The following KCNQ5 variants were observed in gnomAD, a reference collection of about 807,000 sequenced individuals.
KCNQ5 encodes the protein potassium voltage-gated channel subfamily KQT member 5.
A neutral mutation model predicts 98.2 loss-of-function variants in KCNQ5; 30 were observed. That is an observed-to-expected ratio of 0.31 (90% CI 0.23 to 0.41). The LOEUF is 0.41. KCNQ5 is among the 10% of genes least tolerant of loss of function. The probability of loss-of-function intolerance (pLI) is 1.00; values close to 1 mark genes in which losing one functional copy is unlikely to be tolerated. For missense variants in KCNQ5, 835 were observed against 1,182.5 expected (o/e 0.71, Z 4.31); for synonymous variants, 458 against 449.4 (o/e 1.02, Z -0.24).
intron 10 of KCNQ5, among the ~76,000 whole-genome samples, chr6:73,139,445 A>G (rs1562201978): frequency 1.3e-5 from 2 of 152,212 alleles, no homozygotes; most frequent in South Asian, 2.1e-4. Flanking sequence ...AATATTTGAT[A>G]TAGCCAAGAA....
chr6:73,075,824 A>G (rs1773514247), intron 3 of KCNQ5, among the ~76,000 whole-genome samples: 1 of 152,106 alleles, frequency 6.6e-6, no homozygotes, highest in African/African-American at 2.4e-5. Flanking sequence ...CTGGCAGATG[A>G]TGTGAGCTCA....
chr6:73,148,093 A>G (rs1776994198), intron 10 of KCNQ5, among the ~76,000 whole-genome samples: 1 of 152,218 alleles, frequency 6.6e-6, no homozygotes, highest in African/African-American at 2.4e-5. Context: ...GGCAGTTACT[A>G]GATGTATGAT....
At chr6:72,963,958 G>C (rs906947391) in intron 1 of KCNQ5, among the ~76,000 whole-genome samples, 3 of 152,132 alleles carry the variant, frequency 2.0e-5, no homozygotes, top group African/African-American at 4.8e-5. Flanking sequence ...TCAGTCCACA[G>C]ATTTTATTTT....
intron 1 of KCNQ5, among the ~76,000 whole-genome samples, chr6:72,843,722 C>G (rs1776902884): frequency 6.6e-6 from 1 of 152,090 alleles, no homozygotes; most frequent in Non-Finnish European, 1.5e-5. Context: ...ATAAATCATT[C>G]TACTATAAAG....
At chr6:73,156,162 A>T (rs886302420) in intron 10 of KCNQ5, among the ~76,000 whole-genome samples, 1 of 152,216 alleles carries the variant, frequency 6.6e-6, no homozygotes, top group Admixed American at 6.5e-5. Context: ...GCAGGGGGTG[A>T]GTAATTTAAA....
chr6:72,844,819 C>T (rs748871030), intron 1 of KCNQ5, among the ~76,000 whole-genome samples: 8 of 152,126 alleles, frequency 5.3e-5, no homozygotes, highest in African/African-American at 1.9e-4. Context: ...TAAATATAAA[C>T]GGATTATTCT....
intron 1 of KCNQ5, among the ~76,000 whole-genome samples, chr6:72,809,230 TG>T (rs1324541665): frequency 9.6e-6 from 1 of 104,524 alleles, no homozygotes; most frequent in Non-Finnish European, 1.8e-5. Context: ...CATCACACTC[TG>T]GGGACTGTTG....
At chr6:73,191,180 C>T (rs997233419) in intron 12 of KCNQ5, among the ~76,000 whole-genome samples, 1 of 152,054 alleles carries the variant, frequency 6.6e-6, no homozygotes, top group Admixed American at 6.6e-5. Context: ...CCTGTGAAGA[C>T]GGGCCTTTCT....
chr6:73,174,111 A>G (rs1230316903), intron 11 of KCNQ5, among the ~76,000 whole-genome samples: 1 of 149,536 alleles, frequency 6.7e-6, no homozygotes, highest in Non-Finnish European at 1.5e-5. Context: ...TTTTAAAACT[A>G]TTTCAACAGA....
intron 5 of KCNQ5, among the ~76,000 whole-genome samples, chr6:73,096,409 G>C (rs537602154): frequency 6.6e-6 from 1 of 151,368 alleles, no homozygotes; most frequent in African/African-American, 2.4e-5. Flanking sequence ...GAATGAGAGA[G>C]AGCATGGTAG....
intron 1 of KCNQ5, among the ~76,000 whole-genome samples, chr6:72,863,106 A>G (rs943961040): frequency 6.6e-6 from 1 of 152,170 alleles, no homozygotes; most frequent in Non-Finnish European, 1.5e-5. Context: ...GTATAAACGT[A>G]CCCTGTAAAG....
intron 1 of KCNQ5, among the ~76,000 whole-genome samples, chr6:72,829,099 C>T (rs950929972): frequency 6.6e-6 from 1 of 152,012 alleles, no homozygotes; most frequent in Non-Finnish European, 1.5e-5. Flanking sequence ...GGCCCACACA[C>T]CTTTGCTTGC....
intron 1 of KCNQ5, among the ~76,000 whole-genome samples, chr6:72,685,911 C>T (rs998608993): frequency 3.9e-5 from 6 of 152,148 alleles, no homozygotes; most frequent in African/African-American, 1.4e-4. Context: ...AGTCCTAGAT[C>T]AAGATGCCAA....
intron 3 of KCNQ5, among the ~76,000 whole-genome samples, chr6:73,068,344 AATCCTGCT>A (rs1437189286): frequency 6.6e-6 from 1 of 152,146 alleles, no homozygotes; most frequent in African/African-American, 2.4e-5. Flanking sequence ...GCAAAACTGA[AATCCTGCT>A]ATCCTGCTAT....
chr6:72,892,460 A>T (rs1779094529), intron 1 of KCNQ5, among the ~76,000 whole-genome samples: 1 of 152,216 alleles, frequency 6.6e-6, no homozygotes, highest in Non-Finnish European at 1.5e-5. Flanking sequence ...GTTCACCCAG[A>T]TCCCTCTAGC....
chr6:72,984,944 C>A (rs1768690033), intron 1 of KCNQ5, among the ~76,000 whole-genome samples: 2 of 152,238 alleles, frequency 1.3e-5, no homozygotes, highest in South Asian at 4.1e-4. Flanking sequence ...CAGTGGCTCA[C>A]ACCTGTAACC....
At chr6:72,751,237 G>T (rs1178099757) in intron 1 of KCNQ5, among the ~76,000 whole-genome samples, 1 of 151,792 alleles carries the variant, frequency 6.6e-6, no homozygotes, top group Non-Finnish European at 1.5e-5. Context: ...AGGGTACAGT[G>T]TGAGCCAAGG....
At position 73,149,948 on chromosome 6, in the gene KCNQ5, A is replaced by C. The variant is rs565413345; in HGVS notation, c.1468+16307A>C. 7.2e-5 allele frequency among the ~76,000 whole-genome samples: 11 copies of C among 152,164 alleles called. No individual in the cohort carries two copies. The South Asian group carries it at 2.3e-3, about 32-fold the overall frequency. ...AAAACAAGCTGCAAACTGAGAGAAA[A>C]TATGTACAAATGACATATCTGATTA... On this transcript the variant is annotated intron_variant, in intron 10 of 13. Transcript: ENST00000370398.
intron 10 of KCNQ5, among the ~76,000 whole-genome samples, chr6:73,164,478 G>A (rs904636076): frequency 1.3e-5 from 2 of 152,186 alleles, no homozygotes; most frequent in African/African-American, 4.8e-5. Flanking sequence ...TAATGTAATT[G>A]ATGACCGACT....
Sources: gnomAD v4.1 joint callset for allele counts (sites outside exome capture counted in the v4.1 genomes callset) on GRCh38, gnomAD v4.1.1 for gene constraint, MANE v1.5 for transcripts, NCBI Gene and HGNC (gene_info 2026-07-23, HGNC 2026-07-21) for gene names.